Variants in CYP3A5 observed in about 807,000 individuals in gnomAD.
The protein encoded by CYP3A5 is cytochrome P450 family 3 subfamily A member 5, also known as cytochrome P450 3A5.
In CYP3A5, 51 loss-of-function variants were observed where a neutral mutation model predicts 55.9. The observed-to-expected ratio is 0.91, with a 90% confidence interval of 0.73 to 1.15. The LOEUF (loss-of-function observed/expected upper bound fraction) is 1.15. Among genes scored for constraint, CYP3A5 ranks in the 50% most tolerant of loss-of-function variants. The pLI is 0.00. For synonymous variants in CYP3A5, 196 were observed against 213.9 expected, an observed-to-expected ratio of 0.92 and a Z score of 0.73; for missense variants, 533 against 596.6, an observed-to-expected ratio of 0.89 and a Z score of 1.11.
rs3063934 is a variant in CYP3A5 at position 99,653,450 on chromosome 7, CAAATAAATAAAT to C, written c.1027-683_1027-672del. Among the ~76,000 whole-genome samples, 13 of 145,400 alleles carry C rather than the reference CAAATAAATAAAT, an allele frequency of 8.9e-5. No individual in the cohort carries two copies. The highest frequency in any genetic ancestry group is 1.2e-4 in the Non-Finnish European group (8 of 66,602). The stretch of plus-strand genomic sequence containing the variant: ...TGGGTCGTAGAGTCAGACCCTGTCT[CAAATAAATAAAT>C]AAATAAATAAATAAATAAATAAATT... On this transcript the variant is annotated intron_variant, in intron 10 of 12. Transcript: ENST00000222982. The surrounding 1 kb of genome is among the most constrained non-coding windows in gnomAD (Gnocchi z 4.2).
chr7:99,672,014 G>T (rs1563001097), intron 4 of CYP3A5: 1 of 573,954 alleles, frequency 1.7e-6, no homozygotes. Flanking sequence ...TATTAGGTTG[G>T]TGCAAAAGTT....
chr7:99,667,491 T>G (rs1300559115), intron 4 of CYP3A5, among the ~76,000 whole-genome samples: 1 of 152,108 alleles, frequency 6.6e-6, no homozygotes, highest in Non-Finnish European at 1.5e-5. Context: ...CATGGGCAAC[T>G]TGAAAAAGGG....
At position 99,662,834 on chromosome 7, in the gene CYP3A5, C is replaced by G; in HGVS notation, c.847G>C (p.Glu283Gln). 1 of 1,613,996 alleles carries G rather than the reference C, an allele frequency of 6.2e-7. No homozygotes were observed. The highest frequency in any genetic ancestry group is 1.3e-5 in the African/African-American group (1 of 75,024). The change falls in exon 9 of 13, where the codon GAA becomes CAA. Residue 283 changes from glutamate to glutamine, a missense_variant. Glu to Gln is a conservative substitution (Grantham distance 29). Coordinates refer to ENST00000222982, the MANE Select transcript of CYP3A5 (RefSeq NM_000777.5). The surrounding 1 kb of genome is among the most constrained non-coding windows in gnomAD (Gnocchi z 4.3). ...TGGTTACCTTTGTGGGACTCAGTTT[C>G]TTTCGAATTCTGGGAGTCAATCATC... ...QLMIDSQNSKETESHKALSDL... is the reference protein window; with the variant it reads ...QLMIDSQNSKQTESHKALSDL...
At chr7:99,677,416 G>T (rs1186229723) in intron 1 of CYP3A5, among the ~76,000 whole-genome samples, 1 of 152,208 alleles carries the variant, frequency 6.6e-6, no homozygotes, top group Non-Finnish European at 1.5e-5. Context: ...GACACAGAGG[G>T]ACCTTCCAAA....
In CYP3A5 at chr7:99,663,989, ACTTTTCTT is replaced by A. The variant is rs1317716642; in HGVS notation, c.769_776del (p.Lys257SerfsTer18). 1.9e-6 allele frequency: 3 copies of A among 1,590,394 alleles called. No individual in the cohort carries two copies. The highest frequency in any genetic ancestry group is 2.6e-6 in the Non-Finnish European group (3 of 1,174,420). On this transcript the variant is annotated frameshift_variant, in exon 8 of 13. Transcript: ENST00000222982. LOFTEE classifies it high-confidence loss of function. ...TTACCTTTTGTTTGTCGTTGAGGCG[ACTTTTCTT>A]CATTCTGTTTACAGATTTACTTAAA...
rs765977925 is a variant in CYP3A5, at chr7:99,663,981, T to C, written c.785A>G (p.Asn262Ser). ...ATCAGATTTTACCTTTTGTTTGTCG[T>C]TGAGGCGACTTTTCTTCATTCTGTT... ...SVNRMKKSRLNDKQKHRLDFL... is the reference protein window; with the variant it reads ...SVNRMKKSRLSDKQKHRLDFL... Residue 262 changes from asparagine (N) to serine (S), a missense_variant, in exon 8 of 13, where the codon AAC (asparagine) becomes AGC (serine). Transcript: ENST00000222982. The C allele has an allele frequency of 6.3e-7, 1 of 1,585,814 alleles. No homozygotes were observed. Among genetic ancestry groups the C allele is most frequent in the Non-Finnish European group, 8.5e-7 (1 of 1,173,182 alleles).
intron 11 of CYP3A5, among the ~76,000 whole-genome samples, chr7:99,650,682 C>T (rs1809087058): frequency 6.6e-6 from 1 of 152,062 alleles, no homozygotes; most frequent in Non-Finnish European, 1.5e-5. Flanking sequence ...TTTCCTTCTC[C>T]TGTCATCTCT....
chr7:99,663,817 C>G (rs1810684604), intron 8 of CYP3A5, 151 bp downstream of exon 8: 5 of 1,347,838 alleles, frequency 3.7e-6, no homozygotes, highest in South Asian at 1.9e-5. Flanking sequence ...TCCCCAATCT[C>G]CTTCTTTATT....
chr7:99,662,734 G>C lies in CYP3A5; in HGVS notation c.865+82C>G. 7.5e-7 allele frequency: 1 copy of C among 1,340,226 alleles called. No homozygotes were observed. The highest frequency in any genetic ancestry group is 1.1e-6 in the Non-Finnish European group (1 of 942,150). The allele number at this position is 1,340,226 out of a possible 1,614,324, so 83.0% of individuals were successfully genotyped here. ...TGTGGCAAAAATTCTCATCTTCCTG[G>C]AATACTTCCTGCACATTTTCAGAAC... On this transcript the variant is annotated intron_variant, in intron 9 of 12. Coordinates refer to ENST00000222982, the MANE Select transcript of CYP3A5 (RefSeq NM_000777.5). This position sits in a 1 kb window ranked among gnomAD's most constrained non-coding sequence, Gnocchi z 4.3.
chr7:99,679,777 G>C, intron 1 of CYP3A5, 49 bp downstream of exon 1: 1 of 1,577,770 alleles, frequency 6.3e-7, no homozygotes, highest in Non-Finnish European at 8.7e-7. Flanking sequence ...GGCCCGATTA[G>C]CACCCCAAGT....
chr7:99,661,635 G>A (rs1810462918), intron 9 of CYP3A5, among the ~76,000 whole-genome samples: 1 of 152,190 alleles, frequency 6.6e-6, no homozygotes, highest in Non-Finnish European at 1.5e-5. Context: ...AATAAATATG[G>A]TGCCTGCAGC....
chr7:99,667,251 G>T (rs1353260608), intron 4 of CYP3A5, among the ~76,000 whole-genome samples, 186 bp from the exon 5 acceptor site: 4 of 151,872 alleles, frequency 2.6e-5, no homozygotes, highest in Non-Finnish European at 5.9e-5. Context: ...TGTATGTGGG[G>T]CGGGGGTGGG....
chr7:99,666,915 T>G (rs998773932), intron 5 of CYP3A5, 37 bp downstream of exon 5: 2 of 1,609,180 alleles, frequency 1.2e-6, no homozygotes, highest in African/African-American at 2.7e-5. Flanking sequence ...AGATTCATTC[T>G]TTACATTTCT....
In CYP3A5 at chr7:99,650,112, G is replaced by T; in HGVS notation, c.1374C>A (p.Val458=). 2 of 1,614,122 alleles carry T rather than the reference G, an allele frequency of 1.2e-6. No homozygotes were observed. The highest frequency in any genetic ancestry group is 1.1e-5 in the South Asian group (1 of 91,080). The change falls in exon 12 of 13, where the codon GTC becomes GTA. Residue 458 remains valine, a synonymous_variant. Coordinates refer to ENST00000222982, the MANE Select transcript of CYP3A5 (RefSeq NM_000777.5). The part of the protein sequence containing the change: ...LMNMKLALIR[V]LQNFSFKPCK... ...AAGGTTTGAAGGAGAAGTTCTGAAGGACTCTGATTAGAGCAAGTTTCATGT... is the reference window on the plus strand; with the variant it reads ...AAGGTTTGAAGGAGAAGTTCTGAAGTACTCTGATTAGAGCAAGTTTCATGT...
intron 12 of CYP3A5, 77 bp from the exon 13 acceptor site, chr7:99,648,477 A>T: frequency 1.8e-6 from 2 of 1,133,490 alleles, no homozygotes; most frequent in Non-Finnish European, 2.5e-6. Flanking sequence ...AGTAGAAAAA[A>T]TATGACAAAA....
At chr7:99,655,190 T>C (rs1323921966) in intron 10 of CYP3A5, among the ~76,000 whole-genome samples, 2 of 152,232 alleles carry the variant, frequency 1.3e-5, no homozygotes, top group Admixed American at 6.5e-5. Context: ...TAGGTTTTCT[T>C]CTAGGGTTTT....
intron 4 of CYP3A5, among the ~76,000 whole-genome samples, chr7:99,667,718 G>A (rs1811179221): frequency 6.6e-6 from 1 of 152,112 alleles, no homozygotes. Flanking sequence ...CCACAACTAT[G>A]TTTTGTTTTA....
intron 2 of CYP3A5, among the ~76,000 whole-genome samples, chr7:99,675,098 C>T (rs1472317030): frequency 6.6e-6 from 1 of 152,194 alleles, no homozygotes; most frequent in East Asian, 1.9e-4. Context: ...TTAGATAAGT[C>T]TAAGGCATGT....
At chr7:99,663,910 A>G in intron 8 of CYP3A5, 58 bp downstream of exon 8, 1 of 1,536,722 alleles carries the variant, frequency 6.5e-7, no homozygotes, top group Non-Finnish European at 8.7e-7. Flanking sequence ...TATCATGTGT[A>G]TAAAATCTAA....
Sources: gnomAD v4.1 joint callset for allele counts (sites outside exome capture counted in the v4.1 genomes callset) on GRCh38, gnomAD v4.1.1 for gene constraint, Gnocchi (gnomAD v3.1) non-coding constraint, MANE v1.5 for transcripts, NCBI Gene and HGNC (gene_info 2026-07-23, HGNC 2026-07-21) for gene names.